Variants in FMN1 observed in about 807,000 individuals in gnomAD.
The protein encoded by FMN1 is formin-1.
A neutral mutation model predicts 132.4 loss-of-function variants in FMN1; 110 were observed. The ratio of observed to expected loss-of-function variants is 0.83; its 90% confidence interval spans 0.71 to 0.97. The LOEUF is 0.97. Ranked by LOEUF, FMN1 falls within the 50% of genes least tolerant of loss-of-function variation. The probability of loss-of-function intolerance (pLI) is 0.00; values close to 1 mark genes in which losing one functional copy is unlikely to be tolerated. For synonymous variants in FMN1, 722 were observed against 651.7 expected (o/e 1.11, Z -1.64); for missense variants, 1,792 against 1,705.3 (o/e 1.05, Z -0.90).
intron 6 of FMN1, among the ~76,000 whole-genome samples, chr15:33,037,480 G>C (rs1174511370): frequency 6.6e-6 from 1 of 152,184 alleles, no homozygotes; most frequent in Admixed American, 6.5e-5. Context: ...AGTGGGAAGG[G>C]AGTTGTTGGA....
intron 18 of FMN1, among the ~76,000 whole-genome samples, chr15:32,800,837 C>A (rs562025136): frequency 6.6e-6 from 1 of 152,208 alleles, no homozygotes; most frequent in Non-Finnish European, 1.5e-5. Flanking sequence ...CCACCCTTTT[C>A]TACTTTAGAC....
intron 19 of FMN1, among the ~76,000 whole-genome samples, chr15:32,782,602 G>A (rs898275184): frequency 2.0e-5 from 3 of 152,232 alleles, no homozygotes; most frequent in African/African-American, 7.2e-5. Context: ...TTTGTCCCAA[G>A]TCTGGAATTT....
chr15:32,905,171 A>G (rs1330521220), intron 12 of FMN1, among the ~76,000 whole-genome samples: 3 of 152,182 alleles, frequency 2.0e-5, no homozygotes, highest in African/African-American at 7.2e-5. Flanking sequence ...GTCTCACATT[A>G]TTTGGGTTAC....
chr15:32,768,102 TA>T lies in FMN1; in HGVS notation c.*6207del, dbSNP rs1305023262. Reference sequence around the variant, plus strand: ...AGAGCAGTATAATTTTTGTATGCTATAAACTCCTTTTTATACATCTCCTATA... The same window carrying T: ...AGAGCAGTATAATTTTTGTATGCTATAACTCCTTTTTATACATCTCCTATA... On this transcript the variant is annotated 3_prime_UTR_variant, in exon 21 of 21. Transcript: ENST00000616417. The T allele has an allele frequency of 6.6e-6, 1 of 152,232 alleles. No individual in the cohort carries two copies. Among genetic ancestry groups the T allele is most frequent in the African/African-American group, 2.4e-5 (1 of 41,462 alleles). 9.4% of individuals were successfully genotyped at this position (152,232 alleles called of 1,614,324 possible).
Position 33,011,560 on chromosome 15 carries a change from G to GA in FMN1, c.2162-3486dup, listed in dbSNP as rs1054675930. ...TATTCACAAAGCAATATATATAGAGGAAAAAACCTGATAAATTTGACTACA... is the reference window on the plus strand; with the variant it reads ...TATTCACAAAGCAATATATATAGAGGAAAAAAACCTGATAAATTTGACTACA... On this transcript the variant is annotated intron_variant, in intron 6 of 20. Coordinates refer to ENST00000616417, the MANE Select transcript of FMN1 (RefSeq NM_001277313.2). 6.6e-5 allele frequency among the ~76,000 whole-genome samples: 10 copies of GA among 151,960 alleles called. 1 individual carries two copies. Among genetic ancestry groups the GA allele is most frequent in the South Asian group, 6.2e-4 (3 of 4,804 alleles).
At chr15:32,810,793 G>A (rs1326357375) in intron 17 of FMN1, 1 of 304,210 alleles carries the variant, frequency 3.3e-6, no homozygotes, top group Non-Finnish European at 6.6e-6. Flanking sequence ...AAGGGATAAG[G>A]GTTGGAGTAT....
chr15:32,811,047 TTCC>T, intron 17 of FMN1: 1 of 456,668 alleles, frequency 2.2e-6, no homozygotes, highest in Non-Finnish European at 4.4e-6. Context: ...GTTGTGCACT[TTCC>T]AGGAGAAACA....
chr15:33,051,426 G>A lies in FMN1; in HGVS notation c.2161+13531C>T, dbSNP rs148198575. Among the ~76,000 whole-genome samples, 945 of 152,178 alleles carry A rather than the reference G, an allele frequency of 6.2e-3. 7 individuals are homozygous for A. Among genetic ancestry groups the A allele is most frequent in the South Asian group, 0.016 (77 of 4,810 alleles). ...TAGGTAGCTAGTCAGACATGAGCAG[G>A]GCAGGAGAGGGTCCCCTGCCACCAC... is the stretch of plus-strand genomic sequence containing the variant. On this transcript the variant is annotated intron_variant, in intron 6 of 20. Coordinates refer to ENST00000616417, the MANE Select transcript of FMN1 (RefSeq NM_001277313.2).
chr15:33,131,661 G>A (rs17235701), intron 4 of FMN1, among the ~76,000 whole-genome samples: 45,777 of 151,908 alleles, frequency 0.3, 8,477 homozygotes, highest in South Asian at 0.4. Context: ...TATCACTGTA[G>A]GCCACCTCCT....
At chr15:33,155,976 C>T (rs141174798) in intron 3 of FMN1, among the ~76,000 whole-genome samples, 155 of 152,334 alleles carry the variant, frequency 1.0e-3, no homozygotes, top group African/African-American at 3.6e-3. Context: ...AAGCACCGCC[C>T]ACACCCTGGG....
intron 6 of FMN1, among the ~76,000 whole-genome samples, chr15:33,057,081 G>A (rs8028079): frequency 0.14 from 20,613 of 152,220 alleles, 1,578 homozygotes; most frequent in Middle Eastern, 0.22. Context: ...GGGAGGCTGA[G>A]GCAGAAGAAT....
intron 4 of FMN1, among the ~76,000 whole-genome samples, chr15:33,128,262 A>G (rs926466293): frequency 6.6e-6 from 1 of 152,158 alleles, no homozygotes; most frequent in Admixed American, 6.5e-5. Flanking sequence ...TCAGAGAGCA[A>G]TAATTAGAAG....
chr15:33,151,322 A>T, intron 4 of FMN1: 1 of 1,536,492 alleles, frequency 6.5e-7, no homozygotes, highest in Admixed American at 2.0e-5. Flanking sequence ...AGCACAGGAG[A>T]TGCTTACAGT....
chr15:33,166,845 T>C (rs960540637), intron 3 of FMN1, among the ~76,000 whole-genome samples: 1 of 152,006 alleles, frequency 6.6e-6, no homozygotes, highest in Non-Finnish European at 1.5e-5. Flanking sequence ...CTACCCAGGG[T>C]AGAAAGGGCT....
intron 6 of FMN1, among the ~76,000 whole-genome samples, chr15:33,043,020 T>G (rs2036512098): frequency 6.6e-6 from 1 of 152,148 alleles, no homozygotes; most frequent in African/African-American, 2.4e-5. Flanking sequence ...AGACAGTCCC[T>G]GACTCAAAAT....
chr15:33,062,048 GACA>G (rs2037508525), intron 6 of FMN1, among the ~76,000 whole-genome samples: 1 of 152,024 alleles, frequency 6.6e-6, no homozygotes, highest in African/African-American at 2.4e-5. Flanking sequence ...CCACACATCA[GACA>G]ACACAGTAAA....
intron 5 of FMN1, chr15:33,067,789 C>G (rs763223752): frequency 1.2e-6 from 2 of 1,613,862 alleles, no homozygotes; most frequent in Non-Finnish European, 1.7e-6. Context: ...TCATAGAGAA[C>G]TTACTCAGGA....
chr15:32,986,663 T>A (rs1473881246), intron 7 of FMN1, among the ~76,000 whole-genome samples: 1 of 152,124 alleles, frequency 6.6e-6, no homozygotes, highest in Non-Finnish European at 1.5e-5. Context: ...TTAATGATAC[T>A]TGGAACATCA....
chr15:32,968,688 TGA>T, intron 8 of FMN1, 24 bp downstream of exon 8: 1 of 1,610,936 alleles, frequency 6.2e-7, no homozygotes, highest in Non-Finnish European at 8.5e-7. Flanking sequence ...ATTCACATGC[TGA>T]GAATGGGATA....
Sources: gnomAD v4.1 joint callset for allele counts (sites outside exome capture counted in the v4.1 genomes callset) on GRCh38, gnomAD v4.1.1 for gene constraint, MANE v1.5 for transcripts, NCBI Gene and HGNC (gene_info 2026-07-23, HGNC 2026-07-21) for gene names.